KLHL1: variants seen among roughly 807,000 people sequenced by gnomAD.
The protein encoded by KLHL1 is kelch-like protein 1.
KLHL1 carries 47 observed loss-of-function variants against 77.7 expected under a neutral mutation model. The observed-to-expected ratio is 0.60, with a 90% confidence interval of 0.48 to 0.77. The LOEUF (loss-of-function observed/expected upper bound fraction) is 0.77. Ranked by LOEUF, KLHL1 falls within the 30% of genes least tolerant of loss-of-function variation. KLHL1 has a pLI of 0.00. For synonymous variants in KLHL1, 360 were observed against 325.2 expected (o/e 1.11, Z -1.15); for missense variants, 925 against 910.8 (o/e 1.02, Z -0.20).
chr13:70,058,740 C>G (rs912013763), intron 1 of KLHL1, among the ~76,000 whole-genome samples: 2 of 152,086 alleles, frequency 1.3e-5, no homozygotes, highest in African/African-American at 4.8e-5. Context: ...CATAAAATAG[C>G]AAGAATAGCT....
At chr13:69,790,694 A>G (rs902903094) in intron 7 of KLHL1, among the ~76,000 whole-genome samples, 1 of 152,202 alleles carries the variant, frequency 6.6e-6, no homozygotes, top group Admixed American at 6.5e-5. Context: ...AAAAGACAAA[A>G]ATCACATGCA....
At chr13:69,799,642 A>C (rs12431330) in intron 6 of KLHL1, among the ~76,000 whole-genome samples, 55,089 of 152,078 alleles carry the variant, frequency 0.36, 10,219 homozygotes, top group African/African-American at 0.42. Context: ...CAAATAACAC[A>C]GATTTGTTAT....
intron 6 of KLHL1, among the ~76,000 whole-genome samples, chr13:69,837,651 T>TACAC (rs1566309024): frequency 7.3e-4 from 97 of 132,672 alleles, no homozygotes; most frequent in Admixed American, 2.0e-3. Flanking sequence ...TATGTGTATA[T>TACAC]ATATATGTGT....
chr13:70,045,623 A>G (rs1216239003), intron 1 of KLHL1, among the ~76,000 whole-genome samples: 1 of 152,106 alleles, frequency 6.6e-6, no homozygotes, highest in East Asian at 1.9e-4. Context: ...TCTAAAGATG[A>G]CTGGTAGTAG....
intron 4 of KLHL1, among the ~76,000 whole-genome samples, chr13:69,893,470 A>C (rs930848587): frequency 6.6e-6 from 1 of 151,996 alleles, no homozygotes; most frequent in Non-Finnish European, 1.5e-5. Flanking sequence ...TCCTGACCTC[A>C]TGATCCACCC....
intron 6 of KLHL1, among the ~76,000 whole-genome samples, chr13:69,819,946 C>G (rs1040139100): frequency 1.3e-5 from 2 of 152,174 alleles, no homozygotes; most frequent in Middle Eastern, 3.2e-3. Context: ...TCAGAGGGCT[C>G]TCTGCTTGCC....
At chr13:69,718,576 C>T (rs1405833577) in intron 9 of KLHL1, among the ~76,000 whole-genome samples, 1 of 152,060 alleles carries the variant, frequency 6.6e-6, no homozygotes, top group African/African-American at 2.4e-5. Context: ...TATTCCCTAT[C>T]CTCATTTCCC....
intron 4 of KLHL1, among the ~76,000 whole-genome samples, chr13:69,925,373 A>G (rs1882781967): frequency 6.6e-6 from 1 of 152,174 alleles, no homozygotes; most frequent in Admixed American, 6.5e-5. Flanking sequence ...CTTAGAACAC[A>G]GTCTGGCATA....
At chr13:70,069,525 G>A (rs562712815) in intron 1 of KLHL1, among the ~76,000 whole-genome samples, 1 of 152,216 alleles carries the variant, frequency 6.6e-6, no homozygotes, top group Non-Finnish European at 1.5e-5. Context: ...ACTCAGATAT[G>A]GCAGAGAATT....
intron 1 of KLHL1, among the ~76,000 whole-genome samples, chr13:70,076,619 A>G (rs1593724353): frequency 6.6e-6 from 1 of 151,600 alleles, no homozygotes; most frequent in East Asian, 1.9e-4. Flanking sequence ...AAAGAAAACA[A>G]AAAAAAACAA....
intron 6 of KLHL1, among the ~76,000 whole-genome samples, chr13:69,815,960 G>A (rs777245061): frequency 6.6e-6 from 1 of 151,554 alleles, no homozygotes; most frequent in Non-Finnish European, 1.5e-5. Context: ...ATATGAAAAG[G>A]CTATATTTTG....
chr13:69,787,784 A>C (rs1876636686), intron 7 of KLHL1, among the ~76,000 whole-genome samples: 1 of 152,154 alleles, frequency 6.6e-6, no homozygotes, highest in Non-Finnish European at 1.5e-5. Context: ...TAATATCCAG[A>C]ATCTACAATG....
rs10639117 is a variant in KLHL1, at chr13:70,007,444, C to CAAA, written c.498-31645_498-31643dup. 1.5e-3 allele frequency among the ~76,000 whole-genome samples: 218 copies of CAAA among 142,158 alleles called. 1 individual carries two copies. Among genetic ancestry groups the CAAA allele is most frequent in the African/African-American group, 4.8e-3 (187 of 39,066 alleles). 93.3% of individuals were successfully genotyped at this position (142,158 alleles called of 152,430 possible). On this transcript the variant is annotated intron_variant, in intron 1 of 10. Transcript: ENST00000377844. ...TGGGCAACACAGCAATATTTCATCT[C>CAAA]AAAAAAAAAAACACAAGTAAACTTA...
intron 3 of KLHL1, among the ~76,000 whole-genome samples, chr13:69,941,322 G>A (rs545973370): frequency 6.6e-6 from 1 of 152,070 alleles, no homozygotes; most frequent in African/African-American, 2.4e-5. Context: ...CAAATGCATG[G>A]AAGTTAATAC....
chr13:69,829,402 A>T (rs1878672274), intron 6 of KLHL1, among the ~76,000 whole-genome samples: 1 of 150,200 alleles, frequency 6.7e-6, no homozygotes, highest in Non-Finnish European at 1.5e-5. Flanking sequence ...AGAGCACCAC[A>T]TCAAGGAATC....
In KLHL1 at chr13:69,751,419, T is replaced by A. The variant is rs1874473695; in HGVS notation, c.1640-10863A>T. ...GGTGCTACCTTACTACCTGTCCATG[T>A]GACAAAAAAAATGGTTCTTGTCCAA... On this transcript the variant is annotated intron_variant, in intron 7 of 10. Coordinates refer to ENST00000377844, the MANE Select transcript of KLHL1 (RefSeq NM_020866.3). Among the ~76,000 whole-genome samples the A allele has an allele frequency of 2.6e-5, 4 of 152,042 alleles. No homozygotes were observed. The South Asian group carries it at 8.3e-4, about 31-fold the overall frequency.
chr13:69,922,018 T>C (rs1882657747), intron 4 of KLHL1, among the ~76,000 whole-genome samples: 1 of 150,558 alleles, frequency 6.6e-6, no homozygotes, highest in African/African-American at 2.4e-5. Context: ...AGCCTTGAAC[T>C]ACTGGGCTCA....
Position 70,106,895 on chromosome 13 carries a change from C to T in KLHL1, c.497+308G>A, listed in dbSNP as rs553586108. 2.6e-5 allele frequency among the ~76,000 whole-genome samples: 4 copies of T among 152,230 alleles called. No homozygotes were observed. The East Asian group carries it at 5.8e-4, about 22-fold the overall frequency. On this transcript the variant is annotated intron_variant, in intron 1 of 10. Transcript: ENST00000377844. ...GATATAATTTAATGACGGTAGATGACAGAAGAACACCATAATCTCAGGAAT... is the reference window on the plus strand; with the variant it reads ...GATATAATTTAATGACGGTAGATGATAGAAGAACACCATAATCTCAGGAAT...
chr13:69,777,028 G>A (rs1875865473), intron 7 of KLHL1, among the ~76,000 whole-genome samples: 1 of 152,118 alleles, frequency 6.6e-6, no homozygotes, highest in Non-Finnish European at 1.5e-5. Context: ...ATGGGTGGGA[G>A]GGACAGGGTG....
Sources: gnomAD v4.1 joint callset for allele counts (sites outside exome capture counted in the v4.1 genomes callset) on GRCh38, gnomAD v4.1.1 for gene constraint, MANE v1.5 for transcripts, NCBI Gene and HGNC (gene_info 2026-07-23, HGNC 2026-07-21) for gene names.